The following GAB1 variants were observed in gnomAD, a reference collection of about 807,000 sequenced individuals.
GAB1 encodes the protein GRB2-associated-binding protein 1.
A neutral mutation model predicts 66.5 loss-of-function variants in GAB1; 19 were observed. The observed-to-expected ratio is 0.29, with a 90% CI of 0.20 to 0.42. GAB1 has a LOEUF of 0.42. Among genes scored for constraint, GAB1 ranks in the 10% least tolerant of loss-of-function variants. The pLI is 1.00. For missense variants in GAB1, 732 were observed against 858.5 expected (o/e 0.85, Z 1.84); for synonymous variants, 294 against 301.4 (o/e 0.98, Z 0.25).
rs148881738 is a variant in GAB1 at position 143,469,347 on chromosome 4, G to T, written c.*158G>T. The T allele has an allele frequency of 1.6e-6, 1 of 639,990 alleles. No homozygotes were observed. The highest frequency in any genetic ancestry group is 2.1e-5 in the South Asian group (1 of 48,058). The allele number at this position is 639,990 out of a possible 1,614,324, so 39.6% of individuals were successfully genotyped here. ...ACATAATCAAGCAATTTAGACTTAA[G>T]TGGTGCTTTGTGGTATCTGAACAAT... On this transcript the variant is annotated 3_prime_UTR_variant, in exon 10 of 10. Coordinates refer to ENST00000262994, the MANE Select transcript of GAB1 (RefSeq NM_002039.4).
At position 143,460,955 on chromosome 4, in the gene GAB1, G is replaced by A. The variant is rs947516489; in HGVS notation, c.1803+468G>A. ...GGCCATGTCACAGCACTCTAATGGT[G>A]AAATGGTCTTATAAGTAAGTAATAT... On this transcript the variant is annotated intron_variant, in intron 8 of 9. Coordinates refer to ENST00000262994, the MANE Select transcript of GAB1 (RefSeq NM_002039.4). Among the ~76,000 whole-genome samples, 20 of 152,296 alleles carry A rather than the reference G, an allele frequency of 1.3e-4. 1 individual carries two copies. Among genetic ancestry groups the A allele is most frequent in the Admixed American group, 1.2e-3 (18 of 15,294 alleles).
chr4:143,409,418 G>T (rs1732247114), intron 1 of GAB1, among the ~76,000 whole-genome samples: 1 of 142,140 alleles, frequency 7.0e-6, no homozygotes, highest in Admixed American at 7.2e-5. Context: ...TTTTCATTTA[G>T]TCTCAGTGGC....
At chr4:143,421,578 A>T (rs1733017494) in intron 2 of GAB1, among the ~76,000 whole-genome samples, 1 of 151,510 alleles carries the variant, frequency 6.6e-6, no homozygotes, top group Non-Finnish European at 1.5e-5. Flanking sequence ...CTTTAATTTT[A>T]GCTATTCTAT....
chr4:143,439,414 T>A (rs113140895), intron 4 of GAB1, among the ~76,000 whole-genome samples: 4 of 152,212 alleles, frequency 2.6e-5, no homozygotes, highest in African/African-American at 9.6e-5. Context: ...CACCATTCAA[T>A]AACAGTATCT....
chr4:143,404,089 A>C (rs1731917791), intron 1 of GAB1, among the ~76,000 whole-genome samples: 1 of 152,234 alleles, frequency 6.6e-6, no homozygotes, highest in Non-Finnish European at 1.5e-5. Flanking sequence ...TAAATTGTGA[A>C]TGTTTCATAA....
intron 1 of GAB1, 83 bp downstream of exon 1, chr4:143,337,343 C>A: frequency 1.7e-6 from 2 of 1,176,004 alleles, no homozygotes; most frequent in Non-Finnish European, 2.5e-6. Context: ...TGCAGCTGGC[C>A]GCGCGCGGGG....
intron 1 of GAB1, among the ~76,000 whole-genome samples, chr4:143,342,238 A>G (rs941480820): frequency 6.6e-6 from 1 of 152,214 alleles, no homozygotes; most frequent in Admixed American, 6.5e-5. Context: ...GAGATTCAGA[A>G]TTACTGTTAG....
At chr4:143,379,063 AG>A (rs1730547274) in intron 1 of GAB1, among the ~76,000 whole-genome samples, 1 of 152,298 alleles carries the variant, frequency 6.6e-6, no homozygotes, top group Admixed American at 6.5e-5. Context: ...TATGAAAAAA[AG>A]GGGGACTCAG....
At chr4:143,465,433 T>C (rs1039822826) in intron 8 of GAB1, among the ~76,000 whole-genome samples, 2 of 152,172 alleles carry the variant, frequency 1.3e-5, no homozygotes, top group African/African-American at 2.4e-5. Flanking sequence ...CTTAGCACTA[T>C]TTTTGTCCAA....
chr4:143,363,525 G>C (rs372669271), intron 1 of GAB1, among the ~76,000 whole-genome samples: 37 of 152,304 alleles, frequency 2.4e-4, no homozygotes, highest in African/African-American at 7.9e-4. Flanking sequence ...CAAGAGCATA[G>C]TTGAAGAAGG....
intron 8 of GAB1, among the ~76,000 whole-genome samples, chr4:143,460,945 C>T (rs1479687214): frequency 6.6e-6 from 1 of 152,166 alleles, no homozygotes; most frequent in Non-Finnish European, 1.5e-5. Flanking sequence ...TGTCACAGCA[C>T]TCTAATGGTG....
intron 1 of GAB1, among the ~76,000 whole-genome samples, chr4:143,348,858 A>ATC (rs1159067529): frequency 6.6e-6 from 1 of 151,310 alleles, no homozygotes; most frequent in Admixed American, 6.6e-5. Context: ...CAGCTCTGAG[A>ATC]TCTCTCTCTC....
At chr4:143,400,012 C>T (rs545633363) in intron 1 of GAB1, among the ~76,000 whole-genome samples, 2 of 151,116 alleles carry the variant, frequency 1.3e-5, no homozygotes, top group African/African-American at 4.9e-5. Flanking sequence ...AATCTTGGCT[C>T]ACTGCAACCT....
intron 6 of GAB1, among the ~76,000 whole-genome samples, chr4:143,449,642 G>T (rs1455703607): frequency 1.3e-5 from 2 of 152,038 alleles, no homozygotes; most frequent in African/African-American, 4.8e-5. Context: ...CCATTTGCTT[G>T]GTAGATCTTC....
intron 1 of GAB1, among the ~76,000 whole-genome samples, chr4:143,368,993 G>A (rs1249740172): frequency 1.3e-5 from 2 of 151,898 alleles, no homozygotes; most frequent in Non-Finnish European, 2.9e-5. Context: ...AGGCTGGAGT[G>A]CAGTGGCATG....
At chr4:143,406,203 C>G (rs1732033498) in intron 1 of GAB1, among the ~76,000 whole-genome samples, 1 of 152,136 alleles carries the variant, frequency 6.6e-6, no homozygotes, top group Non-Finnish European at 1.5e-5. Flanking sequence ...CAAATATTTA[C>G]TTACAGAAAC....
intron 1 of GAB1, among the ~76,000 whole-genome samples, chr4:143,399,669 T>A (rs1177171334): frequency 1.3e-5 from 2 of 152,234 alleles, no homozygotes; most frequent in Admixed American, 1.3e-4. Context: ...CGGAAGTCTT[T>A]CTGTTCATTC....
At chr4:143,347,184 A>G (rs899522235) in intron 1 of GAB1, among the ~76,000 whole-genome samples, 1 of 152,214 alleles carries the variant, frequency 6.6e-6, no homozygotes, top group Non-Finnish European at 1.5e-5. Flanking sequence ...CTTGTCTCAA[A>G]TATACAGTAT....
intron 1 of GAB1, among the ~76,000 whole-genome samples, chr4:143,390,881 G>C (rs137964745): frequency 8.0e-4 from 122 of 152,270 alleles, no homozygotes; most frequent in African/African-American, 2.9e-3. Context: ...AGGTATGTCT[G>C]TGTCCCAGCT....
Sources: allele counts gnomAD v4.1 joint callset (sites outside exome capture counted in the v4.1 genomes callset), GRCh38; gene constraint gnomAD v4.1.1; transcripts MANE v1.5; gene names NCBI Gene and HGNC (gene_info 2026-07-23, HGNC 2026-07-21).